Variants in CENATAC observed in about 807,000 individuals in gnomAD.
CENATAC encodes the protein coiled-coil domain containing 84.
Under a neutral mutation model 53.7 loss-of-function variants are expected in CENATAC, and 53 were observed. That is an observed-to-expected ratio of 0.99 (90% CI 0.79 to 1.24). CENATAC has a LOEUF of 1.24. Ranked by LOEUF, CENATAC falls within the 50% of genes most tolerant of loss-of-function variation. The pLI, the probability that CENATAC is intolerant of heterozygous loss-of-function variation, is 0.00. For synonymous variants in CENATAC, 156 were observed against 144.6 expected (o/e 1.08, Z -0.57); for missense variants, 474 against 417.8 (o/e 1.13, Z -1.17).
In CENATAC at chr11:118,999,080, G is replaced by T; in HGVS notation, c.354G>T (p.Lys118Asn). ...ENKAEVQMKE[K>N]FLVTPQDYAR... Reference sequence around the variant, plus strand: ...AAGCTGAGGTCCAGATGAAAGAGAAGTTTCTGGTCACTCCCCAGGATTATG... The same window carrying T: ...AAGCTGAGGTCCAGATGAAAGAGAATTTTCTGGTCACTCCCCAGGATTATG... The change falls in exon 3 of 11, where the codon AAG (lysine) becomes AAT (asparagine). Residue 118 changes from lysine to asparagine, a missense_variant. Transcript: ENST00000334418. The T allele has an allele frequency of 6.2e-7, 1 of 1,614,132 alleles. No individual in the cohort carries two copies. The highest frequency in any genetic ancestry group is 8.5e-7 in the Non-Finnish European group (1 of 1,179,988).
At chr11:119,009,899 TC>T (rs1942786700) in intron 3 of CENATAC, 1 of 152,298 alleles carries the variant, frequency 6.6e-6, no homozygotes, top group Admixed American at 6.5e-5. Flanking sequence ...TAATCCCAGT[TC>T]TTTGGGAGGC....
intron 3 of CENATAC, chr11:119,001,539 A>G: frequency 2.3e-6 from 1 of 436,820 alleles, no homozygotes; most frequent in Admixed American, 2.5e-5. Context: ...ATGGTAGTAA[A>G]TCATAAAAGA....
chr11:119,003,986 A>G (rs1057260381), intron 3 of CENATAC: 2 of 152,270 alleles, frequency 1.3e-5, no homozygotes, highest in African/African-American at 4.8e-5. Context: ...GTTCATATGC[A>G]TAGAAACAGT....
At chr11:119,002,224 CAAAAAAAAAAAAAAAA>C (rs782664366) in intron 3 of CENATAC, among the ~76,000 whole-genome samples, 1 of 49,536 alleles carries the variant, frequency 2.0e-5, no homozygotes, top group Non-Finnish European at 3.8e-5. Flanking sequence ...AACTCTGTCT[CAAAAAAAAAAAAAAAA>C]AAAAAAAAGA....
chr11:119,008,174 TAA>T (rs147923031), intron 3 of CENATAC, among the ~76,000 whole-genome samples: 1,935 of 152,154 alleles, frequency 0.013, 42 homozygotes, highest in East Asian at 0.056. Flanking sequence ...AGAAAAGAAA[TAA>T]GACACAGAGA....
At chr11:119,003,656 T>G (rs574931485) in intron 3 of CENATAC, 1 of 202,726 alleles carries the variant, frequency 4.9e-6, no homozygotes, top group Non-Finnish European at 9.7e-6. Context: ...CAGAGTCTTG[T>G]TCTGTTGCCC....
chr11:119,015,445 T>C lies in CENATAC; in HGVS notation c.938+6T>C. ...GGACGCCGCTGGCAGTCCAGGTATG[T>C]GTGTTCAGTGCCGGGTCTCCAACCT... On this transcript the variant is annotated splice_donor_region_variant and intron_variant, in intron 10 of 10. Transcript: ENST00000334418. 1.2e-6 allele frequency: 2 copies of C among 1,614,034 alleles called. No homozygotes were observed. Among genetic ancestry groups the C allele is most frequent in the Non-Finnish European group, 1.7e-6 (2 of 1,179,886 alleles).
intron 8 of CENATAC, chr11:119,014,505 G>C (rs556949263): frequency 2.0e-5 from 3 of 152,418 alleles, no homozygotes; most frequent in Admixed American, 2.0e-4. Flanking sequence ...TTTGAACCGA[G>C]ACCTGGGAGG....
chr11:119,008,101 T>C (rs901528396), intron 3 of CENATAC, among the ~76,000 whole-genome samples: 10 of 150,308 alleles, frequency 6.7e-5, no homozygotes, highest in Non-Finnish European at 8.9e-5. Context: ...ATTTTACTTA[T>C]TGAAGGGGTG....
intron 3 of CENATAC, among the ~76,000 whole-genome samples, chr11:119,004,215 T>A (rs1433061194): frequency 2.0e-5 from 3 of 152,168 alleles, no homozygotes; most frequent in Non-Finnish European, 4.4e-5. Context: ...ATTTTAGCAT[T>A]ATAATAAGGG....
In CENATAC at chr11:119,015,294, T is replaced by TATC; in HGVS notation, c.806-10_806-8dup. 6.3e-7 allele frequency: 1 copy of TATC among 1,592,832 alleles called. No individual in the cohort carries two copies. Among genetic ancestry groups the TATC allele is most frequent in the Non-Finnish European group, 8.5e-7 (1 of 1,172,996 alleles). On this transcript the variant is annotated splice_polypyrimidine_tract_variant and intron_variant, in intron 9 of 10. Transcript: ENST00000334418. ...CAATAAAGAAAAATAAAAGTTTCCC[T>TATC]ATCATTGTACAGAGGAAAAACAGAA...
At chr11:119,013,170 AT>A (rs550311707) in intron 7 of CENATAC, 61 bp from the exon 8 acceptor site, 27,348 of 977,176 alleles carry the variant, frequency 0.028, 13 homozygotes, top group South Asian at 0.037. Context: ...CGTTTCTAGG[AT>A]TTTTTTTTTT....
Position 119,015,006 on chromosome 11 carries a change from C to G in CENATAC, c.728C>G (p.Pro243Arg). The G allele has an allele frequency of 6.2e-7, 1 of 1,604,988 alleles. No individual in the cohort carries two copies. The highest frequency in any genetic ancestry group is 1.7e-5 in the Admixed American group (1 of 58,520). Residue 243 changes from proline (P) to arginine (R), a missense_variant, in exon 9 of 11, where the codon CCC (proline) becomes CGC (arginine). Pro to Arg is a moderately radical substitution (Grantham distance 103, BLOSUM62 -2). Coordinates refer to ENST00000334418, the MANE Select transcript of CENATAC (RefSeq NM_198489.3). ...ATTTTTTTTTCAGGTGCCACACCTC[C>G]CTGGATGATCCAAGATGAAGAATAC... Reference protein sequence around the residue: ...VGNIHSGATPPWMIQDEEYIA... With the variant: ...VGNIHSGATPRWMIQDEEYIA...
chr11:119,005,515 T>C (rs965801740), intron 3 of CENATAC, among the ~76,000 whole-genome samples: 1 of 151,878 alleles, frequency 6.6e-6, no homozygotes, highest in African/African-American at 2.4e-5. Context: ...TGTCATTTTC[T>C]TTTCCTCTGG....
chr11:119,015,259 CTA>C, intron 9 of CENATAC, 46 bp from the exon 10 acceptor site: 1 of 1,551,828 alleles, frequency 6.4e-7, no homozygotes. Flanking sequence ...GACCCCATCT[CTA>C]TATTCTTCAA....
intron 8 of CENATAC, 29 bp downstream of exon 8, chr11:119,013,291 C>A: frequency 1.3e-6 from 2 of 1,582,534 alleles, no homozygotes; most frequent in Admixed American, 1.8e-5. Flanking sequence ...TTTTTAAAAC[C>A]CTGGGAGATT....
chr11:119,007,026 T>G (rs59113148), intron 3 of CENATAC, among the ~76,000 whole-genome samples: 2,878 of 152,304 alleles, frequency 0.019, 88 homozygotes, highest in African/African-American at 0.063. Flanking sequence ...TACCCAGTCT[T>G]GGGTATGTCT....
At position 119,012,117 on chromosome 11, in the gene CENATAC, C is replaced by G. The variant is rs952026476; in HGVS notation, c.579-32C>G. The G allele has an allele frequency of 1.9e-6, 3 of 1,613,994 alleles. No individual in the cohort carries two copies. The African/African-American group carries it at 4.0e-5, about 22-fold the overall frequency. ...CTTTACCACCCTCATGGCTCAAGGACCTCATCTGGCAGCCTGGCTCATGTT... is the reference window on the plus strand; with the variant it reads ...CTTTACCACCCTCATGGCTCAAGGAGCTCATCTGGCAGCCTGGCTCATGTT... On this transcript the variant is annotated intron_variant, in intron 6 of 10. Coordinates refer to ENST00000334418, the MANE Select transcript of CENATAC (RefSeq NM_198489.3).
chr11:118,998,322 G>A lies in CENATAC; in HGVS notation c.120+5G>A, dbSNP rs1409216913. ...TTGGAGAGGCTCCTGCCCCAGGTGC[G>A]GAGGCAAGGCTAGAGATGGGATGGG... On this transcript the variant is annotated splice_donor_5th_base_variant and intron_variant, in intron 1 of 10. Coordinates refer to ENST00000334418, the MANE Select transcript of CENATAC (RefSeq NM_198489.3). 2.5e-6 allele frequency: 4 copies of A among 1,610,498 alleles called. No individual in the cohort carries two copies. Among genetic ancestry groups the A allele is most frequent in the Non-Finnish European group, 1.7e-6 (2 of 1,178,432 alleles).
Sources: gnomAD v4.1 joint callset for allele counts (sites outside exome capture counted in the v4.1 genomes callset) on GRCh38, gnomAD v4.1.1 for gene constraint, MANE v1.5 for transcripts, NCBI Gene and HGNC (gene_info 2026-07-23, HGNC 2026-07-21) for gene names.